The following SRBD1 variants were observed in gnomAD, a reference collection of about 807,000 sequenced individuals.
SRBD1 encodes S1 RNA binding domain 1.
In SRBD1, 88 loss-of-function variants were observed where a neutral mutation model predicts 115.3. The ratio of observed to expected loss-of-function variants is 0.76; its 90% CI spans 0.64 to 0.91. The LOEUF is 0.91. Among genes scored for constraint, SRBD1 ranks in the 40% least tolerant of loss-of-function variants. The probability of loss-of-function intolerance (pLI) is 0.00; values close to 1 mark genes in which losing one functional copy is unlikely to be tolerated. For synonymous variants in SRBD1, 509 were observed against 407.7 expected (o/e 1.25, Z -2.99); for missense variants, 1,385 against 1,177.4 (o/e 1.18, Z -2.58).
chr2:45,546,154 A>G, intron 14 of SRBD1: 1 of 985,390 alleles, frequency 1.0e-6, no homozygotes. Flanking sequence ...TGGTGAAAGA[A>G]AGCAGAACTA....
At position 45,555,107 on chromosome 2, in the gene SRBD1, C is replaced by G. The variant is rs573281944; in HGVS notation, c.1410-1377G>C. On this transcript the variant is annotated intron_variant, in intron 10 of 20. Coordinates refer to ENST00000263736, the MANE Select transcript of SRBD1 (RefSeq NM_018079.5). ...ATCCCCTTAAAAATCCTAGCCCAGG[C>G]TGGGCACAGTAACTCACATCTGTAA... Among the ~76,000 whole-genome samples, 17 of 152,356 alleles carry G rather than the reference C, an allele frequency of 1.1e-4. No individual in the cohort carries two copies. The East Asian group carries it at 3.3e-3, about 29-fold the overall frequency.
chr2:45,482,266 CAA>C (rs1311026762), intron 15 of SRBD1, among the ~76,000 whole-genome samples: 1 of 151,594 alleles, frequency 6.6e-6, no homozygotes, highest in Admixed American at 6.6e-5. Context: ...TGCAACTTGA[CAA>C]AAAGGGAAGA....
In SRBD1 at chr2:45,604,222, G is replaced by A. The variant is rs373662418; in HGVS notation, c.80+1140C>T. 1.6e-3 allele frequency among the ~76,000 whole-genome samples: 245 copies of A among 151,420 alleles called. 2 individuals are homozygous for A. Among genetic ancestry groups the A allele is most frequent in the African/African-American group, 5.5e-3 (228 of 41,228 alleles). On this transcript the variant is annotated intron_variant, in intron 2 of 20. Coordinates refer to ENST00000263736, the MANE Select transcript of SRBD1 (RefSeq NM_018079.5). ...GAATATTTTACAAATATAAACCCAGGTCATGTAACATCCCAACCCAAAACC... is the reference window on the plus strand; with the variant it reads ...GAATATTTTACAAATATAAACCCAGATCATGTAACATCCCAACCCAAAACC...
intron 16 of SRBD1, among the ~76,000 whole-genome samples, chr2:45,471,079 C>G (rs943647440): frequency 2.0e-5 from 3 of 152,142 alleles, no homozygotes; most frequent in Admixed American, 6.6e-5. Flanking sequence ...TAAGTTTATA[C>G]TGAAAGCACT....
At chr2:45,394,219 A>G (rs759363553) in intron 19 of SRBD1, among the ~76,000 whole-genome samples, 3 of 152,178 alleles carry the variant, frequency 2.0e-5, no homozygotes, top group Non-Finnish European at 4.4e-5. Context: ...GTTTACCATT[A>G]CCTTTGATTG....
At chr2:45,462,399 C>T (rs1311082632) in intron 16 of SRBD1, among the ~76,000 whole-genome samples, 1 of 152,144 alleles carries the variant, frequency 6.6e-6, no homozygotes, top group African/African-American at 2.4e-5. Context: ...CCAACAAAAC[C>T]TAACTGCATT....
At chr2:45,414,633 T>A (rs957610392) in intron 18 of SRBD1, among the ~76,000 whole-genome samples, 3 of 128,336 alleles carry the variant, frequency 2.3e-5, no homozygotes, top group Non-Finnish European at 3.8e-5. Flanking sequence ...ATAGTGTGTA[T>A]ATAGTGTGTA....
intron 14 of SRBD1, among the ~76,000 whole-genome samples, chr2:45,529,560 G>C (rs572459317): frequency 6.6e-6 from 1 of 151,540 alleles, no homozygotes; most frequent in Admixed American, 6.6e-5. Context: ...TATTAAAATA[G>C]AAAAAAAATC....
rs1381815527 is a variant in SRBD1 at position 45,605,377 on chromosome 2, G to A, written c.65C>T (p.Ser22Phe). 3.7e-6 allele frequency: 6 copies of A among 1,613,304 alleles called. No individual in the cohort carries two copies. The highest frequency in any genetic ancestry group is 1.6e-4 in the Middle Eastern group (1 of 6,084). ...VQDVVLKDEF[S>F]SFSELSSASE... ...GTATGCTTACAACTCAGAGAATGAA[G>A]AAAATTCATCTTTCAGTACCACATC... Residue 22 changes from serine to phenylalanine, a missense_variant, in exon 2 of 21, where the codon TCT becomes TTT. By Grantham distance (155) the Ser-to-Phe change is radical. Coordinates refer to ENST00000263736, the MANE Select transcript of SRBD1 (RefSeq NM_018079.5).
At chr2:45,516,554 A>G (rs541489283) in intron 14 of SRBD1, among the ~76,000 whole-genome samples, 1 of 152,366 alleles carries the variant, frequency 6.6e-6, no homozygotes, top group South Asian at 2.1e-4. Context: ...CACCAATACA[A>G]TAATGATTGT....
chr2:45,577,369 T>A (rs567387012), intron 7 of SRBD1, among the ~76,000 whole-genome samples: 8 of 152,350 alleles, frequency 5.3e-5, no homozygotes, highest in South Asian at 2.1e-4. Context: ...GGAGGAAATA[T>A]GGTACACAGA....
At chr2:45,433,043 C>T (rs947419931) in intron 16 of SRBD1, among the ~76,000 whole-genome samples, 1 of 152,244 alleles carries the variant, frequency 6.6e-6, no homozygotes, top group Middle Eastern at 3.4e-3. Flanking sequence ...ACTTTACATT[C>T]CCCATACTAA....
At chr2:45,405,211 C>T (rs924394931) in intron 19 of SRBD1, among the ~76,000 whole-genome samples, 66 of 152,240 alleles carry the variant, frequency 4.3e-4, no homozygotes, top group African/African-American at 1.4e-3. Flanking sequence ...CATAACAGTA[C>T]TTGGAATATG....
At chr2:45,595,279 A>C (rs1673858999) in intron 4 of SRBD1, among the ~76,000 whole-genome samples, 1 of 152,254 alleles carries the variant, frequency 6.6e-6, no homozygotes, top group South Asian at 2.1e-4. Flanking sequence ...GGAAAAAAAC[A>C]GAGGACCAAG....
In SRBD1 at chr2:45,571,517, C is replaced by CAAAAAAAAAAAAAAAAAAAAAAA. The variant is rs58100763; in HGVS notation, c.1305+1667_1305+1689dup. Among the ~76,000 whole-genome samples, 40 of 39,404 alleles carry CAAAAAAAAAAAAAAAAAAAAAAA rather than the reference C, an allele frequency of 1.0e-3. 2 individuals are homozygous for CAAAAAAAAAAAAAAAAAAAAAAA. The highest frequency in any genetic ancestry group is 1.9e-3 in the East Asian group (2 of 1,066). 25.9% of individuals were successfully genotyped at this position (39,404 alleles called of 152,430 possible). A position where few individuals can be genotyped will look rare whatever the true frequency, so the allele number is the denominator to read the frequency against. On this transcript the variant is annotated intron_variant, in intron 9 of 20. Coordinates refer to ENST00000263736, the MANE Select transcript of SRBD1 (RefSeq NM_018079.5). Reference sequence around the variant, plus strand: ...AAAATACAACATATCCAGACTTTACCAAAAAAAAAAAAAAAAAAAAAAAAA... The same window carrying CAAAAAAAAAAAAAAAAAAAAAAA: ...AAAATACAACATATCCAGACTTTACCAAAAAAAAAAAAAAAAAAAAAAAAAAAAAAAAAAAAAAAAAAAAAAAA...
intron 14 of SRBD1, among the ~76,000 whole-genome samples, chr2:45,508,939 A>C (rs559302343): frequency 2.1e-4 from 32 of 152,288 alleles, no homozygotes; most frequent in Admixed American, 3.9e-4. Context: ...GAAGAGAAAG[A>C]AAAAAAGCAG....
intron 9 of SRBD1, among the ~76,000 whole-genome samples, chr2:45,567,145 C>T (rs888688717): frequency 5.9e-5 from 9 of 151,906 alleles, no homozygotes; most frequent in Non-Finnish European, 1.2e-4. Context: ...AAAGATAAAA[C>T]GCGTATTTTT....
intron 2 of SRBD1, among the ~76,000 whole-genome samples, chr2:45,602,710 G>A (rs1472440646): frequency 6.6e-6 from 1 of 151,920 alleles, no homozygotes; most frequent in African/African-American, 2.4e-5. Flanking sequence ...CAGAGAAAAA[G>A]CAGCCATGGG....
At chr2:45,442,184 G>C (rs1668689951) in intron 16 of SRBD1, among the ~76,000 whole-genome samples, 1 of 152,132 alleles carries the variant, frequency 6.6e-6, no homozygotes, top group East Asian at 1.9e-4. Context: ...CCCAGGTCAA[G>C]CCTTATGAAA....
Sources: allele counts gnomAD v4.1 joint callset (sites outside exome capture counted in the v4.1 genomes callset), GRCh38; gene constraint gnomAD v4.1.1; transcripts MANE v1.5; gene names NCBI Gene and HGNC (gene_info 2026-07-23, HGNC 2026-07-21).